The following FHIT variants were observed in gnomAD, a reference collection of about 807,000 sequenced individuals.
FHIT encodes bis(5'-adenosyl)-triphosphatase.
Under a neutral mutation model 17.9 loss-of-function variants are expected in FHIT, and 19 were observed. The observed-to-expected ratio is 1.06, with a 90% CI of 0.74 to 1.56. FHIT has a LOEUF of 1.56. FHIT is among the 40% of genes most tolerant of loss of function. FHIT has a pLI of 0.00. For missense variants in FHIT, 248 were observed against 189.2 expected (o/e 1.31, Z -1.82); for synonymous variants, 81 against 69.7 (o/e 1.16, Z -0.81).
chr3:59,986,498 AATATATATATATATATATATATATAT>A lies in FHIT; in HGVS notation c.279+24847_279+24872del, dbSNP rs74199531. ...CTCTGGGTATGAGAAAGTAGTCCAA[AATATATATATATATATATATATATAT>A]ATATATATATATATATACACACACA... On this transcript the variant is annotated intron_variant, in intron 7 of 9. Coordinates refer to ENST00000492590, the MANE Select transcript of FHIT (RefSeq NM_002012.4). 1.9e-3 allele frequency among the ~76,000 whole-genome samples: 116 copies of A among 62,310 alleles called. 4 individuals carry two copies. Among genetic ancestry groups the A allele is most frequent in the Non-Finnish European group, 2.7e-3 (97 of 36,028 alleles). The allele number at this position is 62,310 out of a possible 152,430, so 40.9% of individuals were successfully genotyped here. A position where few individuals can be genotyped will look rare whatever the true frequency, so the allele number is the denominator to read the frequency against.
intron 4 of FHIT, among the ~76,000 whole-genome samples, chr3:60,653,348 G>C (rs1259851247): frequency 6.6e-6 from 1 of 152,026 alleles, no homozygotes; most frequent in Non-Finnish European, 1.5e-5. Context: ...TTATAAATGC[G>C]TAAGTAAAAA....
At chr3:60,011,486 G>A in intron 6 of FHIT, 86 bp from the exon 7 acceptor site, 2 of 1,137,478 alleles carry the variant, frequency 1.8e-6, no homozygotes, top group South Asian at 2.5e-5. Context: ...TAATAATTTA[G>A]ATGCAATTTC....
Position 59,984,359 on chromosome 3 carries a change from T to C in FHIT, c.279+27012A>G, listed in dbSNP as rs138690884. Among the ~76,000 whole-genome samples, 17 of 150,182 alleles carry C rather than the reference T, an allele frequency of 1.1e-4. No homozygotes were observed. In the East Asian group the frequency reaches 3.0e-3, roughly 27 times the overall value. The stretch of plus-strand genomic sequence containing the variant: ...CTACTACAAGAAACATTTATAAGAA[T>C]ATTAGTGCTTCAAGCAATTGGGGCT... On this transcript the variant is annotated intron_variant, in intron 7 of 9. Transcript: ENST00000492590.
chr3:60,709,482 C>G (rs1553704451), intron 4 of FHIT, among the ~76,000 whole-genome samples: 2 of 152,072 alleles, frequency 1.3e-5, no homozygotes, highest in East Asian at 3.9e-4. Flanking sequence ...CAGAGTAGAA[C>G]CCGAAACCAC....
At chr3:60,691,670 G>A (rs1431330468) in intron 4 of FHIT, among the ~76,000 whole-genome samples, 1 of 152,158 alleles carries the variant, frequency 6.6e-6, no homozygotes, top group Non-Finnish European at 1.5e-5. Flanking sequence ...CTGGCCATGA[G>A]TGTTTTTTAA....
intron 8 of FHIT, among the ~76,000 whole-genome samples, chr3:59,769,947 G>T (rs543938498): frequency 6.6e-6 from 1 of 152,288 alleles, no homozygotes; most frequent in African/African-American, 2.4e-5. Flanking sequence ...AAGGAATTCT[G>T]ATGGTCAAAT....
At chr3:59,984,817 G>A (rs1708820422) in intron 7 of FHIT, among the ~76,000 whole-genome samples, 1 of 152,064 alleles carries the variant, frequency 6.6e-6, no homozygotes, top group Non-Finnish European at 1.5e-5. Context: ...CAGCACAACT[G>A]GGCGGGGCAG....
intron 4 of FHIT, among the ~76,000 whole-genome samples, chr3:60,785,071 A>G (rs1350822232): frequency 2.0e-5 from 3 of 152,206 alleles, no homozygotes; most frequent in Non-Finnish European, 4.4e-5. Context: ...CCTGTCCACC[A>G]GAAAGATGGG....
At chr3:61,218,634 G>C (rs1293838795) in intron 1 of FHIT, among the ~76,000 whole-genome samples, 1 of 152,112 alleles carries the variant, frequency 6.6e-6, no homozygotes, top group Non-Finnish European at 1.5e-5. Flanking sequence ...GAAGAGAAAG[G>C]GTAACCAGTA....
At chr3:59,911,074 T>C (rs1704848813) in intron 8 of FHIT, among the ~76,000 whole-genome samples, 2 of 152,204 alleles carry the variant, frequency 1.3e-5, no homozygotes, top group Non-Finnish European at 1.5e-5. Flanking sequence ...TGATAAATCA[T>C]GGTAGGACTA....
intron 5 of FHIT, among the ~76,000 whole-genome samples, chr3:60,288,657 CTGA>C (rs771599728): frequency 2.7e-5 from 4 of 150,896 alleles, no homozygotes; most frequent in East Asian, 2.0e-4. Context: ...ATTTGGCCAC[CTGA>C]TGAAGTCTGT....
intron 4 of FHIT, among the ~76,000 whole-genome samples, chr3:60,630,956 ACAC>A (rs372105685): frequency 0.29 from 24,471 of 84,788 alleles, 2,592 homozygotes; most frequent in South Asian, 0.38. Flanking sequence ...AAAAAAAAAA[ACAC>A]ACAGAAATAA....
At chr3:60,652,913 CAAAACA>C (rs1238449641) in intron 4 of FHIT, among the ~76,000 whole-genome samples, 1 of 22,022 alleles carries the variant, frequency 4.5e-5, no homozygotes, top group African/African-American at 1.4e-4. Context: ...TCATCTCAAA[CAAAACA>C]AAACAAAACA....
rs553808185 is a variant in FHIT, at chr3:61,106,653, T to TTTTG, written c.-163-64558_-163-64555dup. Among the ~76,000 whole-genome samples the TTTTG allele has an allele frequency of 8.8e-4, 134 of 152,158 alleles. 5 individuals carry two copies. The South Asian group carries it at 0.024, about 28-fold the overall frequency. On this transcript the variant is annotated intron_variant, in intron 2 of 9. Transcript: ENST00000492590. ...ATTAACATATGCATTCATCACATCT[T>TTTTG]TTTGTTTGTTTGTTTGTTTGTTTTT...
chr3:60,282,274 T>C (rs1707496277), intron 5 of FHIT, among the ~76,000 whole-genome samples: 1 of 152,154 alleles, frequency 6.6e-6, no homozygotes. Context: ...ATAAACAAAC[T>C]GTGGCAAATC....
chr3:59,915,092 G>A (rs1277973839), intron 8 of FHIT, among the ~76,000 whole-genome samples: 1 of 152,180 alleles, frequency 6.6e-6, no homozygotes, highest in African/African-American at 2.4e-5. Context: ...GAGCAGAACT[G>A]TGAGAAGCAG....
chr3:59,792,872 TGG>T (rs139940738), intron 8 of FHIT, among the ~76,000 whole-genome samples: 30 of 134,804 alleles, frequency 2.2e-4, no homozygotes, highest in African/African-American at 6.8e-4. Flanking sequence ...CCTTATTTTT[TGG>T]GGGGGGGGGT....
chr3:60,634,964 T>C (rs1456276402), intron 4 of FHIT, among the ~76,000 whole-genome samples: 1 of 152,148 alleles, frequency 6.6e-6, no homozygotes, highest in Non-Finnish European at 1.5e-5. Context: ...CTCAAACACC[T>C]GGGCTCAAGC....
intron 5 of FHIT, among the ~76,000 whole-genome samples, chr3:60,359,182 A>C (rs1052090924): frequency 2.6e-5 from 4 of 152,140 alleles, no homozygotes; most frequent in African/African-American, 9.7e-5. Context: ...TCCACATCAC[A>C]GAACAGAGTA....
Sources: allele counts gnomAD v4.1 joint callset (sites outside exome capture counted in the v4.1 genomes callset), GRCh38; gene constraint gnomAD v4.1.1; transcripts MANE v1.5; gene names NCBI Gene and HGNC (gene_info 2026-07-23, HGNC 2026-07-21).